The following FSTL5 variants were observed in gnomAD, a reference collection of about 807,000 sequenced individuals.
FSTL5 encodes the protein follistatin-related protein 5.
In FSTL5, 62 loss-of-function variants were observed where a neutral mutation model predicts 89.1. The observed-to-expected ratio is 0.70, with a 90% CI of 0.57 to 0.86. FSTL5 has a LOEUF of 0.86. Ranked by LOEUF, FSTL5 falls within the 40% of genes least tolerant of loss-of-function variation. The probability of loss-of-function intolerance (pLI) is 0.00; values close to 1 mark genes in which losing one functional copy is unlikely to be tolerated. For missense variants in FSTL5, 1,057 were observed against 1,001.6 expected (o/e 1.06, Z -0.75); for synonymous variants, 383 against 346.2 (o/e 1.11, Z -1.18).
chr4:161,396,129 A>G (rs1184331998), intron 15 of FSTL5, among the ~76,000 whole-genome samples: 1 of 151,722 alleles, frequency 6.6e-6, no homozygotes, highest in African/African-American at 2.4e-5. Flanking sequence ...CATAAAAAAA[A>G]AAAACACTGC....
intron 15 of FSTL5, among the ~76,000 whole-genome samples, chr4:161,441,647 A>G (rs1020351126): frequency 6.6e-6 from 1 of 152,140 alleles, no homozygotes; most frequent in African/African-American, 2.4e-5. Context: ...CAAGCAATTT[A>G]GGAGATTTAA....
chr4:161,609,483 A>T (rs1734567883), intron 7 of FSTL5, among the ~76,000 whole-genome samples: 1 of 152,124 alleles, frequency 6.6e-6, no homozygotes, highest in Non-Finnish European at 1.5e-5. Context: ...AAACACTTAA[A>T]TTATGTATTT....
chr4:161,871,177 AAAG>A (rs1333847013), intron 4 of FSTL5, among the ~76,000 whole-genome samples: 1 of 152,114 alleles, frequency 6.6e-6, no homozygotes. Flanking sequence ...TTTGTTTTAT[AAAG>A]AATTTGTATA....
At chr4:162,072,197 T>C (rs932659315) in intron 2 of FSTL5, among the ~76,000 whole-genome samples, 1 of 151,916 alleles carries the variant, frequency 6.6e-6, no homozygotes, top group East Asian at 1.9e-4. Context: ...ATGTACAAAA[T>C]AATACACAGT....
At chr4:161,747,294 C>T (rs896341436) in intron 6 of FSTL5, among the ~76,000 whole-genome samples, 14 of 152,280 alleles carry the variant, frequency 9.2e-5, no homozygotes, top group African/African-American at 2.4e-4. Context: ...AAATATACCA[C>T]ATTTATTCTT....
chr4:161,788,119 A>G (rs1386591579), intron 4 of FSTL5, among the ~76,000 whole-genome samples: 1 of 152,088 alleles, frequency 6.6e-6, no homozygotes, highest in African/African-American at 2.4e-5. Context: ...CTCTTTTTAA[A>G]GTTTTATTGG....
intron 1 of FSTL5, among the ~76,000 whole-genome samples, chr4:162,129,481 T>C (rs1732213041): frequency 6.6e-6 from 1 of 152,240 alleles, no homozygotes; most frequent in African/African-American, 2.4e-5. Context: ...TGATGTTACA[T>C]AGCAAGTTCT....
At chr4:162,139,030 C>T (rs1328657707) in intron 1 of FSTL5, among the ~76,000 whole-genome samples, 1 of 152,030 alleles carries the variant, frequency 6.6e-6, no homozygotes, top group Non-Finnish European at 1.5e-5. Context: ...AGAATTAGTG[C>T]AATTCCAATT....
intron 3 of FSTL5, among the ~76,000 whole-genome samples, chr4:161,973,268 A>G (rs1735536934): frequency 6.6e-6 from 1 of 152,198 alleles, no homozygotes; most frequent in South Asian, 2.1e-4. Context: ...GTATATTTAA[A>G]TAGCATCAAA....
At chr4:161,821,247 A>G (rs186468842) in intron 4 of FSTL5, among the ~76,000 whole-genome samples, 2 of 152,190 alleles carry the variant, frequency 1.3e-5, no homozygotes, top group Admixed American at 1.3e-4. Context: ...CATGTGACCC[A>G]GACTGGTCTT....
intron 12 of FSTL5, among the ~76,000 whole-genome samples, chr4:161,496,863 C>T (rs1012651067): frequency 6.4e-5 from 9 of 140,476 alleles, no homozygotes; most frequent in Non-Finnish European, 1.3e-4. Flanking sequence ...TAGAGGGAAA[C>T]GTGGCGACAG....
intron 8 of FSTL5, among the ~76,000 whole-genome samples, chr4:161,585,274 A>C (rs1218880913): frequency 6.6e-6 from 1 of 152,234 alleles, no homozygotes; most frequent in Non-Finnish European, 1.5e-5. Context: ...ATGAATGAAG[A>C]GCAGCAGCTC....
chr4:161,388,154 G>A (rs570154796), intron 15 of FSTL5: 1 of 152,084 alleles, frequency 6.6e-6, no homozygotes, highest in Non-Finnish European at 1.5e-5. Flanking sequence ...CAATATATTT[G>A]AAAATAATAT....
At position 161,385,420 on chromosome 4, in the gene FSTL5, G is replaced by C. The variant is rs558519180; in HGVS notation, c.*327C>G. 1 of 220,292 alleles carries C rather than the reference G, an allele frequency of 4.5e-6. No individual in the cohort carries two copies. The highest frequency in any genetic ancestry group is 1.1e-4 in the East Asian group (1 of 8,950). 13.6% of individuals were successfully genotyped at this position (220,292 alleles called of 1,614,324 possible). On this transcript the variant is annotated 3_prime_UTR_variant, in exon 16 of 16. Transcript: ENST00000306100. ...TAAACTACCCTCAAAATGAAATAATGCTTTATGTCATCTGAAATTCCCTGC... is the reference window on the plus strand; with the variant it reads ...TAAACTACCCTCAAAATGAAATAATCCTTTATGTCATCTGAAATTCCCTGC...
chr4:161,728,774 A>C (rs1284117126), intron 6 of FSTL5, among the ~76,000 whole-genome samples: 1 of 152,192 alleles, frequency 6.6e-6, no homozygotes. Context: ...ACTGAGTAGA[A>C]TATGAGGGGT....
intron 2 of FSTL5, among the ~76,000 whole-genome samples, chr4:162,107,795 G>A (rs1731280842): frequency 6.6e-6 from 1 of 152,018 alleles, no homozygotes; most frequent in African/African-American, 2.4e-5. Flanking sequence ...TCGTCCCTAT[G>A]TCTGCCCTAC....
chr4:161,406,057 G>C (rs1731363978), intron 15 of FSTL5, among the ~76,000 whole-genome samples: 1 of 152,032 alleles, frequency 6.6e-6, no homozygotes, highest in Non-Finnish European at 1.5e-5. Flanking sequence ...GAAGTAAAAA[G>C]ACACTAGATA....
At chr4:161,937,833 T>G (rs571800937) in intron 3 of FSTL5, among the ~76,000 whole-genome samples, 50 of 152,278 alleles carry the variant, frequency 3.3e-4, no homozygotes, top group African/African-American at 1.2e-3. Context: ...ACGTGTGCTG[T>G]ACTTTTTGGT....
At chr4:161,748,240 T>G (rs1350983504) in intron 6 of FSTL5, among the ~76,000 whole-genome samples, 2 of 152,166 alleles carry the variant, frequency 1.3e-5, no homozygotes, top group Non-Finnish European at 2.9e-5. Flanking sequence ...TGTTACTGTT[T>G]TTGAAATGCC....
Sources: gnomAD v4.1 joint callset for allele counts (sites outside exome capture counted in the v4.1 genomes callset) on GRCh38, gnomAD v4.1.1 for gene constraint, MANE v1.5 for transcripts, NCBI Gene and HGNC (gene_info 2026-07-23, HGNC 2026-07-21) for gene names.